The following OXR1 variants were observed in gnomAD, a reference collection of about 807,000 sequenced individuals.
The protein encoded by OXR1 is oxidation resistance protein 1.
Under a neutral mutation model 104.6 loss-of-function variants are expected in OXR1, and 41 were observed. That is an observed-to-expected ratio of 0.39 (90% CI 0.31 to 0.51). The LOEUF (loss-of-function observed/expected upper bound fraction) is 0.51, where lower values mean the gene tolerates loss of function less well. OXR1 is among the 20% of genes least tolerant of loss of function. OXR1 has a pLI of 0.77. For missense variants in OXR1, 955 were observed against 1,031.9 expected (o/e 0.93, Z 1.02); for synonymous variants, 348 against 348.4 (o/e 1.00, Z 0.01).
intron 3 of OXR1, among the ~76,000 whole-genome samples, chr8:106,620,595 C>CA: frequency 6.6e-6 from 1 of 152,248 alleles, no homozygotes; most frequent in Admixed American, 6.5e-5. Flanking sequence ...GGAAAATACT[C>CA]AGAGAATTTT....
intron 1 of OXR1, among the ~76,000 whole-genome samples, chr8:106,313,758 A>G (rs902274089): frequency 1.3e-5 from 2 of 152,152 alleles, no homozygotes; most frequent in Admixed American, 6.6e-5. Flanking sequence ...AAAACAGTTC[A>G]TGTAGGTAGG....
chr8:106,740,411 T>C lies in OXR1; in HGVS notation c.2232T>C (p.His744=), dbSNP rs764955167. 7 of 1,613,056 alleles carry C rather than the reference T, an allele frequency of 4.3e-6. No individual in the cohort carries two copies. The highest frequency in any genetic ancestry group is 3.3e-5 in the Admixed American group (2 of 59,984). Residue 744 remains histidine, a synonymous_variant, in exon 14 of 17, where the codon CAT becomes CAC. Coordinates refer to ENST00000517566, the MANE Select transcript of OXR1 (RefSeq NM_001198533.2). ...PWTLVYGTGK[H]GTSLKTLYRT... Reference sequence around the variant, plus strand: ...CTCTTGTTTATGGTACTGGAAAACATGGCACAAGCTTGAAAACTCTTTATC... The same window carrying C: ...CTCTTGTTTATGGTACTGGAAAACACGGCACAAGCTTGAAAACTCTTTATC...
In OXR1 at chr8:106,729,639, ATCT is replaced by A. The variant is rs889881591; in HGVS notation, c.1957-7877_1957-7875del. Among the ~76,000 whole-genome samples the A allele has an allele frequency of 8.8e-4, 134 of 152,278 alleles. 2 individuals carry two copies. Among genetic ancestry groups the A allele is most frequent in the African/African-American group, 2.6e-3 (109 of 41,574 alleles). ...ATGTATGTCTTATGGTAAGTGAAAC[ATCT>A]TCTGCTCTCCAGTCACAACCTAGTT... is the stretch of plus-strand genomic sequence containing the variant. On this transcript the variant is annotated intron_variant, in intron 11 of 16. Coordinates refer to ENST00000517566, the MANE Select transcript of OXR1 (RefSeq NM_001198533.2).
chr8:106,612,187 T>A (rs1181130147), intron 3 of OXR1, among the ~76,000 whole-genome samples: 2 of 152,136 alleles, frequency 1.3e-5, no homozygotes, highest in African/African-American at 4.8e-5. Context: ...AAAATATTAT[T>A]CTGATAGGAA....
intron 1 of OXR1, among the ~76,000 whole-genome samples, chr8:106,332,619 C>A (rs1203297792): frequency 1.3e-5 from 2 of 152,142 alleles, no homozygotes; most frequent in Non-Finnish European, 2.9e-5. Flanking sequence ...ATATACATAT[C>A]ATAAAATTCA....
In OXR1 at chr8:106,425,388, A is replaced by G. The variant is rs141606582; in HGVS notation, c.23+65752A>G. On this transcript the variant is annotated intron_variant, in intron 2 of 16. Coordinates refer to ENST00000517566, the MANE Select transcript of OXR1 (RefSeq NM_001198533.2). ...GGTAAAACTAAAAATTAAACAGATT[A>G]TTTAGTTTTTAATATTACCTTTTAT... Among the ~76,000 whole-genome samples, 622 of 152,230 alleles carry G rather than the reference A, an allele frequency of 4.1e-3. 3 individuals are homozygous for G. Among genetic ancestry groups the G allele is most frequent in the African/African-American group, 0.014 (590 of 41,554 alleles).
At chr8:106,330,692 A>G (rs958716169) in intron 1 of OXR1, among the ~76,000 whole-genome samples, 1 of 152,200 alleles carries the variant, frequency 6.6e-6, no homozygotes, top group Non-Finnish European at 1.5e-5. Context: ...CCTGTGCCGG[A>G]GAAAACAAAC....
At chr8:106,394,765 A>C (rs1817711410) in intron 2 of OXR1, among the ~76,000 whole-genome samples, 1 of 152,136 alleles carries the variant, frequency 6.6e-6, no homozygotes, top group South Asian at 2.1e-4. Context: ...ACAATAGTTG[A>C]CCAAAAGAGG....
chr8:106,736,166 C>CCG (rs770002875), intron 11 of OXR1, among the ~76,000 whole-genome samples: 2 of 25,042 alleles, frequency 8.0e-5, no homozygotes, highest in South Asian at 9.3e-4. Flanking sequence ...TTATCTGACA[C>CCG]CCCCCCCCAT....
intron 11 of OXR1, chr8:106,726,365 A>G: frequency 3.5e-6 from 3 of 863,926 alleles, no homozygotes; most frequent in South Asian, 1.8e-5. Context: ...TCATGGTGAC[A>G]TTATGAAAAA....
intron 6 of OXR1, among the ~76,000 whole-genome samples, chr8:106,690,724 G>C (rs1302545343): frequency 2.0e-5 from 3 of 151,622 alleles, no homozygotes; most frequent in Non-Finnish European, 4.4e-5. Flanking sequence ...AGAGATTATT[G>C]AACATAATTT....
At chr8:106,622,151 G>C (rs147794546) in intron 3 of OXR1, among the ~76,000 whole-genome samples, 1 of 152,222 alleles carries the variant, frequency 6.6e-6, no homozygotes, top group African/African-American at 2.4e-5. Flanking sequence ...TACTGACCCT[G>C]CATCTAATCA....
chr8:106,356,655 AAT>A (rs1815986683), intron 1 of OXR1, among the ~76,000 whole-genome samples: 3 of 151,998 alleles, frequency 2.0e-5, no homozygotes, highest in African/African-American at 7.2e-5. Context: ...TACATTAAAT[AAT>A]ATATATATTT....
At position 106,679,241 on chromosome 8, in the gene OXR1, A is replaced by G. The variant is rs1827909195; in HGVS notation, c.252A>G (p.Lys84=). The G allele has an allele frequency of 1.9e-6, 3 of 1,610,712 alleles. No homozygotes were observed. Among genetic ancestry groups the G allele is most frequent in the Non-Finnish European group, 2.5e-6 (3 of 1,177,490 alleles). ...DTGQKKTLDK[K]DGRRMSFQKP... ...GCCAAAAGAAGACCCTAGACAAGAA[A>G]GATGGAAGACGAATGTCTTTTCAGA... Residue 84 remains lysine, a synonymous_variant, in exon 4 of 17, where the codon AAA becomes AAG. Coordinates refer to ENST00000517566, the MANE Select transcript of OXR1 (RefSeq NM_001198533.2).
intron 3 of OXR1, among the ~76,000 whole-genome samples, chr8:106,542,497 A>G (rs1255633721): frequency 6.6e-6 from 1 of 152,132 alleles, no homozygotes; most frequent in African/African-American, 2.4e-5. Flanking sequence ...TTACTTCCCA[A>G]TCCATATTTC....
chr8:106,436,262 A>G (rs922985394), intron 2 of OXR1, among the ~76,000 whole-genome samples: 1 of 152,100 alleles, frequency 6.6e-6, no homozygotes, highest in Non-Finnish European at 1.5e-5. Flanking sequence ...TCAAGTATTT[A>G]TTATTATTCT....
At chr8:106,682,876 A>G (rs1011537391) in intron 4 of OXR1, among the ~76,000 whole-genome samples, 2 of 152,210 alleles carry the variant, frequency 1.3e-5, no homozygotes, top group African/African-American at 2.4e-5. Flanking sequence ...AAACTATTCA[A>G]AGGAATAGTG....
At chr8:106,392,948 C>A (rs989010818) in intron 2 of OXR1, among the ~76,000 whole-genome samples, 1 of 152,166 alleles carries the variant, frequency 6.6e-6, no homozygotes, top group Non-Finnish European at 1.5e-5. Context: ...AGCTTCAAAA[C>A]AATTACCCAA....
At chr8:106,332,906 T>A (rs1318230915) in intron 1 of OXR1, among the ~76,000 whole-genome samples, 1 of 152,166 alleles carries the variant, frequency 6.6e-6, no homozygotes, top group Non-Finnish European at 1.5e-5. Context: ...TCTGTGCCCT[T>A]TTTTGTCTGA....
Sources: gnomAD v4.1 joint callset for allele counts (sites outside exome capture counted in the v4.1 genomes callset) on GRCh38, gnomAD v4.1.1 for gene constraint, MANE v1.5 for transcripts, NCBI Gene and HGNC (gene_info 2026-07-23, HGNC 2026-07-21) for gene names.